The following VPS13B variants were observed in gnomAD, a reference collection of about 807,000 sequenced individuals.
VPS13B encodes intermembrane lipid transfer protein VPS13B.
In VPS13B, 285 loss-of-function variants were observed where a neutral mutation model predicts 426.4. The ratio of observed to expected loss-of-function variants is 0.67; its 90% CI spans 0.61 to 0.74. The LOEUF (loss-of-function observed/expected upper bound fraction) is 0.74, where lower values mean the gene tolerates loss of function less well. Ranked by LOEUF, VPS13B falls within the 30% of genes least tolerant of loss-of-function variation. The probability of loss-of-function intolerance (pLI) is 0.00; values close to 1 mark genes in which losing one functional copy is unlikely to be tolerated. For synonymous variants in VPS13B, 1,676 were observed against 1,676.4 expected (o/e 1.00, Z 0.01); for missense variants, 4,537 against 4,782.6 (o/e 0.95, Z 1.51).
intron 33 of VPS13B, among the ~76,000 whole-genome samples, chr8:99,585,109 T>C (rs1826241701): frequency 2.0e-5 from 3 of 152,130 alleles, no homozygotes; most frequent in Admixed American, 2.0e-4. Flanking sequence ...AGTTTCAACA[T>C]GGAGAAATAG....
chr8:99,120,355 A>G (rs1315203589), intron 7 of VPS13B: 2 of 152,166 alleles, frequency 1.3e-5, no homozygotes, highest in African/African-American at 4.8e-5. Flanking sequence ...CCTGGCCCCT[A>G]TGAAATTTTT....
chr8:99,054,276 A>T (rs1843718752), intron 3 of VPS13B, among the ~76,000 whole-genome samples: 1 of 152,154 alleles, frequency 6.6e-6, no homozygotes, highest in Non-Finnish European at 1.5e-5. Context: ...TGGCTGTACC[A>T]TTGTATTCTC....
intron 25 of VPS13B, among the ~76,000 whole-genome samples, chr8:99,490,295 C>T (rs780541177): frequency 6.6e-6 from 1 of 152,090 alleles, no homozygotes; most frequent in African/African-American, 2.4e-5. Context: ...CTGCTGGATT[C>T]GGTTTGCCAG....
intron 24 of VPS13B, among the ~76,000 whole-genome samples, chr8:99,470,353 C>T (rs1190033705): frequency 1.3e-5 from 2 of 151,932 alleles, no homozygotes; most frequent in Non-Finnish European, 2.9e-5. Flanking sequence ...AATTGAATTG[C>T]AAAATGACTT....
chr8:99,687,831 G>A lies in VPS13B; in HGVS notation c.6047-11694G>A, dbSNP rs557931637. Among the ~76,000 whole-genome samples the A allele has an allele frequency of 7.9e-5, 12 of 152,000 alleles. No homozygotes were observed. In the East Asian group the frequency reaches 2.1e-3, roughly 27 times the overall value. On this transcript the variant is annotated intron_variant, in intron 35 of 61. Transcript: ENST00000357162. ...TTACCTGACTTTTGGTTCTTGTTAA[G>A]TTCCTTTTTTTTTTATGGATAATTG...
chr8:99,039,099 T>TA (rs1407464371), intron 3 of VPS13B, among the ~76,000 whole-genome samples: 1 of 152,224 alleles, frequency 6.6e-6, no homozygotes, highest in African/African-American at 2.4e-5. Flanking sequence ...ATAGCTCTAC[T>TA]AGGGACCATG....
chr8:99,350,657 T>C (rs1446131822), intron 19 of VPS13B, among the ~76,000 whole-genome samples: 1 of 152,100 alleles, frequency 6.6e-6, no homozygotes, highest in Non-Finnish European at 1.5e-5. Context: ...CAATAAAAAA[T>C]TTAAAGTAAT....
At chr8:99,018,254 C>T (rs1841718902) in intron 2 of VPS13B, among the ~76,000 whole-genome samples, 1 of 152,088 alleles carries the variant, frequency 6.6e-6, no homozygotes, top group South Asian at 2.1e-4. Flanking sequence ...GGTGTGGTGG[C>T]TCACGCCTGT....
At chr8:99,696,072 G>A (rs1056442876) in intron 35 of VPS13B, 1 of 154,742 alleles carries the variant, frequency 6.5e-6, no homozygotes, top group African/African-American at 2.4e-5. Flanking sequence ...GATCGCCATG[G>A]CTGTTAGGCC....
At chr8:99,254,971 G>A (rs1452532103) in intron 17 of VPS13B, among the ~76,000 whole-genome samples, 1 of 151,908 alleles carries the variant, frequency 6.6e-6, no homozygotes, top group Non-Finnish European at 1.5e-5. Context: ...TATTTTTCTT[G>A]TACTGGACTC....
At chr8:99,715,377 T>C (rs1258700783) in intron 36 of VPS13B, among the ~76,000 whole-genome samples, 1 of 152,146 alleles carries the variant, frequency 6.6e-6, no homozygotes, top group Non-Finnish European at 1.5e-5. Flanking sequence ...AGGTTGAAAA[T>C]TGTGTGATCT....
intron 25 of VPS13B, among the ~76,000 whole-genome samples, chr8:99,486,511 C>A (rs920928590): frequency 6.6e-6 from 1 of 152,200 alleles, no homozygotes; most frequent in Non-Finnish European, 1.5e-5. Flanking sequence ...CCATCCTGCC[C>A]AGGCATGAAT....
At chr8:99,498,266 A>C (rs1821038432) in intron 25 of VPS13B, among the ~76,000 whole-genome samples, 2 of 152,158 alleles carry the variant, frequency 1.3e-5, no homozygotes, top group South Asian at 4.1e-4. Flanking sequence ...ATTTGCATTC[A>C]AAAACAATCA....
intron 19 of VPS13B, among the ~76,000 whole-genome samples, chr8:99,349,124 G>C (rs1304058860): frequency 1.3e-5 from 2 of 150,946 alleles, no homozygotes; most frequent in African/African-American, 4.9e-5. Context: ...ACGAGGTCAG[G>C]AGATCGAGAC....
chr8:99,862,706 C>T (rs1003633531), intron 58 of VPS13B, among the ~76,000 whole-genome samples: 1 of 152,124 alleles, frequency 6.6e-6, no homozygotes, highest in African/African-American at 2.4e-5. Context: ...CAAAGCAGTG[C>T]AGAGCAAAGG....
intron 39 of VPS13B, among the ~76,000 whole-genome samples, chr8:99,762,788 G>A (rs1208429959): frequency 6.6e-6 from 1 of 151,982 alleles, no homozygotes; most frequent in Non-Finnish European, 1.5e-5. Flanking sequence ...AAATTCATGA[G>A]GGTAGCTATA....
chr8:99,783,806 T>A (rs1392604404), intron 42 of VPS13B, among the ~76,000 whole-genome samples: 1 of 152,140 alleles, frequency 6.6e-6, no homozygotes, highest in East Asian at 1.9e-4. Flanking sequence ...CTGAGCAGAT[T>A]TACACACACA....
At chr8:99,460,745 C>A (rs75085595) in intron 23 of VPS13B, among the ~76,000 whole-genome samples, 38 of 149,278 alleles carry the variant, frequency 2.5e-4, no homozygotes, top group Admixed American at 2.2e-3. Flanking sequence ...TTTTTTTTTT[C>A]TTCCTTGGTA....
intron 19 of VPS13B, among the ~76,000 whole-genome samples, chr8:99,312,516 T>G (rs1821046180): frequency 6.6e-6 from 1 of 152,246 alleles, no homozygotes; most frequent in Admixed American, 6.5e-5. Context: ...TTCTGGCTTG[T>G]AGAATTTCTG....
Sources: gnomAD v4.1 joint callset for allele counts (sites outside exome capture counted in the v4.1 genomes callset) on GRCh38, gnomAD v4.1.1 for gene constraint, MANE v1.5 for transcripts, NCBI Gene and HGNC (gene_info 2026-07-23, HGNC 2026-07-21) for gene names.